The following KCNAB1 variants were observed in gnomAD, a reference collection of about 807,000 sequenced individuals.
KCNAB1 encodes potassium voltage-gated channel subfamily A regulatory beta subunit 1, also known as voltage-gated potassium channel subunit beta-1.
KCNAB1 carries 35 observed loss-of-function variants against 64.6 expected under a neutral mutation model. The observed-to-expected ratio is 0.54, with a 90% CI of 0.41 to 0.72. The LOEUF is 0.72. Ranked by LOEUF, KCNAB1 falls within the 30% of genes least tolerant of loss-of-function variation. The pLI is 0.00. For missense variants in KCNAB1, 401 were observed against 512.9 expected (o/e 0.78, Z 2.11); for synonymous variants, 177 against 183.8 (o/e 0.96, Z 0.30).
At chr3:156,150,090 T>C (rs1376294510) in intron 1 of KCNAB1, among the ~76,000 whole-genome samples, 1 of 152,208 alleles carries the variant, frequency 6.6e-6, no homozygotes, top group African/African-American at 2.4e-5. Flanking sequence ...TAGCTGTTTT[T>C]CTCCTTGCAT....
intron 1 of KCNAB1, among the ~76,000 whole-genome samples, chr3:156,332,664 C>G (rs1187279765): frequency 2.0e-5 from 3 of 152,170 alleles, no homozygotes; most frequent in African/African-American, 4.8e-5. Flanking sequence ...TAATTTCCCT[C>G]CAGCAATCAG....
chr3:156,134,054 C>T (rs534026076), intron 1 of KCNAB1, among the ~76,000 whole-genome samples: 1 of 152,246 alleles, frequency 6.6e-6, no homozygotes, highest in African/African-American at 2.4e-5. Context: ...AATTTTCACC[C>T]AGGTGATTTT....
At chr3:156,273,371 G>T (rs1355309372) in intron 1 of KCNAB1, among the ~76,000 whole-genome samples, 3 of 152,210 alleles carry the variant, frequency 2.0e-5, no homozygotes, top group African/African-American at 4.8e-5. Flanking sequence ...TGGCAGTGAG[G>T]CTTGCCAAAA....
chr3:156,263,961 G>T (rs894014066), intron 1 of KCNAB1, among the ~76,000 whole-genome samples: 1 of 152,054 alleles, frequency 6.6e-6, no homozygotes, highest in African/African-American at 2.4e-5. Context: ...TTGCAATTTT[G>T]CAGGGGAGGA....
chr3:156,138,634 G>A (rs186947325), intron 1 of KCNAB1, among the ~76,000 whole-genome samples: 1 of 152,278 alleles, frequency 6.6e-6, no homozygotes, highest in Non-Finnish European at 1.5e-5. Flanking sequence ...ATAATTCATG[G>A]ACTCCAAGTC....
chr3:156,310,752 T>C (rs1448081137), intron 1 of KCNAB1, among the ~76,000 whole-genome samples: 1 of 152,026 alleles, frequency 6.6e-6, no homozygotes, highest in African/African-American at 2.4e-5. Flanking sequence ...TGCAGTGAGC[T>C]GAGATTGCGC....
In KCNAB1 at chr3:156,318,598, G is replaced by A. The variant is rs570553702; in HGVS notation, c.276-103018G>A. ...GTAAGTGTGACCCTGGTGCCTATAA[G>A]AGCGTATGGCACACAGTAAGCTCTC... On this transcript the variant is annotated intron_variant, in intron 1 of 13. Transcript: ENST00000490337. Among the ~76,000 whole-genome samples the A allele has an allele frequency of 1.2e-4, 18 of 152,336 alleles. No individual in the cohort carries two copies. In the South Asian group the frequency reaches 3.5e-3, roughly 30 times the overall value.
intron 1 of KCNAB1, among the ~76,000 whole-genome samples, chr3:156,307,703 T>A (rs1489412127): frequency 6.6e-6 from 1 of 152,210 alleles, no homozygotes; most frequent in Non-Finnish European, 1.5e-5. Flanking sequence ...TACTGAAATG[T>A]CATTACTCCA....
chr3:156,375,167 G>A (rs929816477), intron 1 of KCNAB1, among the ~76,000 whole-genome samples: 1 of 135,690 alleles, frequency 7.4e-6, no homozygotes, highest in African/African-American at 3.3e-5. Context: ...TATATTCATA[G>A]TCCAACTTTC....
At chr3:156,427,607 G>C (rs1009439453) in intron 2 of KCNAB1, among the ~76,000 whole-genome samples, 1 of 152,242 alleles carries the variant, frequency 6.6e-6, no homozygotes, top group African/African-American at 2.4e-5. Flanking sequence ...CAAGGATGCA[G>C]CTGAAGTCAG....
At chr3:156,379,387 C>T (rs116867338) in intron 1 of KCNAB1, among the ~76,000 whole-genome samples, 225 of 152,160 alleles carry the variant, frequency 1.5e-3, no homozygotes, top group African/African-American at 5.0e-3. Context: ...AAGTGCTATA[C>T]ATAAAGATAG....
chr3:156,257,226 TA>T (rs1466016174), intron 1 of KCNAB1, among the ~76,000 whole-genome samples: 1 of 152,208 alleles, frequency 6.6e-6, no homozygotes, highest in East Asian at 1.9e-4. Flanking sequence ...GTTTTGTTTT[TA>T]AATCTCCTTC....
chr3:156,479,698 CA>C (rs1714647874), intron 8 of KCNAB1, among the ~76,000 whole-genome samples: 1 of 152,000 alleles, frequency 6.6e-6, no homozygotes, highest in Non-Finnish European at 1.5e-5. Flanking sequence ...AGCTTGTTGC[CA>C]AGACTGATTA....
chr3:156,481,500 C>T (rs1316596099), intron 8 of KCNAB1, among the ~76,000 whole-genome samples: 1 of 151,194 alleles, frequency 6.6e-6, no homozygotes, highest in Non-Finnish European at 1.5e-5. Context: ...AAAAATTTTC[C>T]TGATACTTTA....
At chr3:156,486,569 A>T (rs1215023261) in intron 8 of KCNAB1, among the ~76,000 whole-genome samples, 1 of 152,112 alleles carries the variant, frequency 6.6e-6, no homozygotes, top group African/African-American at 2.4e-5. Context: ...TCCAGGGGTA[A>T]AGAGGTGGGC....
intron 11 of KCNAB1, among the ~76,000 whole-genome samples, chr3:156,516,884 A>G (rs142288415): frequency 5.3e-5 from 8 of 152,360 alleles, no homozygotes; most frequent in South Asian, 4.1e-4. Flanking sequence ...ACAGATACAT[A>G]GCAAAGCTTC....
chr3:156,322,583 T>C (rs1170353391), intron 1 of KCNAB1, among the ~76,000 whole-genome samples: 5 of 152,194 alleles, frequency 3.3e-5, no homozygotes, highest in Non-Finnish European at 7.3e-5. Flanking sequence ...CTTGAGCTTC[T>C]TATATCCATT....
intron 1 of KCNAB1, among the ~76,000 whole-genome samples, chr3:156,249,375 C>CA (rs1198370933): frequency 6.6e-6 from 1 of 151,920 alleles, no homozygotes; most frequent in Non-Finnish European, 1.5e-5. Context: ...TCAGCCTGGC[C>CA]AGCCTGGCCA....
At chr3:156,461,918 C>T (rs1712943672) in intron 5 of KCNAB1, among the ~76,000 whole-genome samples, 1 of 152,202 alleles carries the variant, frequency 6.6e-6, no homozygotes, top group Non-Finnish European at 1.5e-5. Flanking sequence ...TAGCTTTGAG[C>T]CTATAAAAGC....
Sources: allele counts gnomAD v4.1 joint callset (sites outside exome capture counted in the v4.1 genomes callset), GRCh38; gene constraint gnomAD v4.1.1; transcripts MANE v1.5; gene names NCBI Gene and HGNC (gene_info 2026-07-23, HGNC 2026-07-21).